DOCK2: variants seen among roughly 807,000 people sequenced by gnomAD.
DOCK2 encodes the protein dedicator of cytokinesis 2.
DOCK2 carries 87 observed loss-of-function variants against 248.9 expected under a neutral mutation model. The observed-to-expected ratio is 0.35, with a 90% CI of 0.29 to 0.42. The LOEUF is 0.42. Among genes scored for constraint, DOCK2 ranks in the 10% least tolerant of loss-of-function variants. The pLI is 1.00. For synonymous variants in DOCK2, 805 were observed against 821.6 expected (o/e 0.98, Z 0.35); for missense variants, 1,747 against 2,300.2 (o/e 0.76, Z 4.92).
chr5:169,727,774 T>C (rs1209182214), intron 22 of DOCK2, among the ~76,000 whole-genome samples: 2 of 152,234 alleles, frequency 1.3e-5, no homozygotes, highest in African/African-American at 2.4e-5. Flanking sequence ...AGTTTTGTGC[T>C]TAAAATGAAA....
At chr5:169,715,793 C>T (rs1372756569) in intron 19 of DOCK2, among the ~76,000 whole-genome samples, 1 of 151,944 alleles carries the variant, frequency 6.6e-6, no homozygotes, top group African/African-American at 2.4e-5. Flanking sequence ...AGCCAGTAGT[C>T]CCCCGGGGTA....
intron 27 of DOCK2, among the ~76,000 whole-genome samples, chr5:169,943,366 G>A (rs1405086469): frequency 6.6e-6 from 1 of 152,130 alleles, no homozygotes; most frequent in Non-Finnish European, 1.5e-5. Context: ...GCAATACTTA[G>A]GTCCTGGACC....
At chr5:169,718,439 A>G (rs972358106) in intron 21 of DOCK2, among the ~76,000 whole-genome samples, 3 of 151,898 alleles carry the variant, frequency 2.0e-5, no homozygotes, top group African/African-American at 7.3e-5. Flanking sequence ...TTTCCTCCCT[A>G]TCTTTTTCTT....
At chr5:169,985,556 A>G (rs1426660606) in intron 28 of DOCK2, among the ~76,000 whole-genome samples, 1 of 152,208 alleles carries the variant, frequency 6.6e-6, no homozygotes, top group Non-Finnish European at 1.5e-5. Flanking sequence ...TGCCACATCA[A>G]TGAGTACATT....
chr5:169,703,038 A>G (rs148960049), intron 14 of DOCK2, among the ~76,000 whole-genome samples: 21 of 152,278 alleles, frequency 1.4e-4, no homozygotes, highest in Non-Finnish European at 7.4e-5. Flanking sequence ...ATGTGTGTTT[A>G]TATTTATTTG....
intron 29 of DOCK2, among the ~76,000 whole-genome samples, chr5:169,987,794 A>G (rs899466374): frequency 6.6e-6 from 1 of 152,244 alleles, no homozygotes; most frequent in Non-Finnish European, 1.5e-5. Flanking sequence ...ATAGATTTGT[A>G]TCTCTTAAGG....
chr5:169,866,790 C>G (rs1288975638), intron 27 of DOCK2, among the ~76,000 whole-genome samples: 1 of 152,216 alleles, frequency 6.6e-6, no homozygotes, highest in Non-Finnish European at 1.5e-5. Flanking sequence ...TGTTTTTCCT[C>G]TGCTCTCACA....
rs1768737228 is a variant in DOCK2, at chr5:169,824,855, A to T, written c.2704-15902A>T. Among the ~76,000 whole-genome samples the T allele has an allele frequency of 4.6e-5, 7 of 152,218 alleles. No homozygotes were observed. The South Asian group carries it at 1.4e-3, about 31-fold the overall frequency. ...ACAGGCAACCTACAGAATGGGAGAAAATTTTTGCAATCTACTCATCTGACA... is the reference window on the plus strand; with the variant it reads ...ACAGGCAACCTACAGAATGGGAGAATATTTTTGCAATCTACTCATCTGACA... On this transcript the variant is annotated intron_variant, in intron 26 of 51. Transcript: ENST00000520908.
chr5:169,690,477 A>G (rs1760232124), intron 9 of DOCK2, among the ~76,000 whole-genome samples: 1 of 152,174 alleles, frequency 6.6e-6, no homozygotes, highest in South Asian at 2.1e-4. Flanking sequence ...TACATTGAGG[A>G]ATAGCTGATT....
intron 27 of DOCK2, among the ~76,000 whole-genome samples, chr5:169,933,324 A>T (rs1775843362): frequency 6.6e-6 from 1 of 152,224 alleles, no homozygotes. Context: ...GGGGCTAATC[A>T]AATACAGATA....
At chr5:169,867,616 A>C (rs1168164883) in intron 27 of DOCK2, among the ~76,000 whole-genome samples, 1 of 107,862 alleles carries the variant, frequency 9.3e-6, no homozygotes, top group Non-Finnish European at 1.9e-5. Flanking sequence ...ATCATGTATC[A>C]TTATCTATCA....
intron 27 of DOCK2, among the ~76,000 whole-genome samples, chr5:169,852,467 G>T (rs1196248196): frequency 6.6e-6 from 1 of 152,178 alleles, no homozygotes; most frequent in African/African-American, 2.4e-5. Context: ...GAGTTGACAG[G>T]CTGGGAGCCA....
At chr5:169,745,864 C>T (rs890539887) in intron 22 of DOCK2, among the ~76,000 whole-genome samples, 9 of 151,996 alleles carry the variant, frequency 5.9e-5, no homozygotes, top group Admixed American at 4.6e-4. Context: ...GGTGGCAGAA[C>T]AAGAAGGCTC....
chr5:169,767,330 C>A (rs1278445021), intron 25 of DOCK2, among the ~76,000 whole-genome samples: 1 of 152,176 alleles, frequency 6.6e-6, no homozygotes, highest in Non-Finnish European at 1.5e-5. Flanking sequence ...TTCCCCTATT[C>A]TGTAGGTCGT....
intron 27 of DOCK2, among the ~76,000 whole-genome samples, chr5:169,900,971 G>A (rs1162659500): frequency 6.6e-6 from 1 of 152,080 alleles, no homozygotes; most frequent in Non-Finnish European, 1.5e-5. Flanking sequence ...TGTCTATTTT[G>A]GAACTTAGTT....
rs1457387084 is a variant in DOCK2 at position 169,927,196 on chromosome 5, G to A, written c.2800-55872G>A. Among the ~76,000 whole-genome samples the A allele has an allele frequency of 2.6e-5, 4 of 152,102 alleles. No individual in the cohort carries two copies. In the East Asian group the frequency reaches 7.7e-4, roughly 29 times the overall value. On this transcript the variant is annotated intron_variant, in intron 27 of 51. Transcript: ENST00000520908. ...GGCCCTTTCCAGGACTTGAAAAAAG[G>A]CCCCTGGCTGGAGAGTCATGAGAGA...
intron 27 of DOCK2, among the ~76,000 whole-genome samples, chr5:169,855,155 T>C (rs557909085): frequency 6.6e-6 from 1 of 152,366 alleles, no homozygotes; most frequent in Non-Finnish European, 1.5e-5. Context: ...AATCATAAAC[T>C]ACCTTGTGGT....
intron 2 of DOCK2, among the ~76,000 whole-genome samples, chr5:169,667,440 TA>T (rs2113267289): frequency 6.6e-6 from 1 of 152,322 alleles, no homozygotes; most frequent in South Asian, 2.1e-4. Context: ...CTCTGAGGAT[TA>T]AATGAGAGAA....
At position 170,050,258 on chromosome 5, in the gene DOCK2, C is replaced by T; in HGVS notation, c.4074C>T (p.Asn1358=). 6.2e-7 allele frequency: 1 copy of T among 1,613,916 alleles called. No individual in the cohort carries two copies. Among genetic ancestry groups the T allele is most frequent in the East Asian group, 2.2e-5 (1 of 44,886 alleles). ...YGQGFPSFLR[N]KVFIYRGKEY... is the part of the protein sequence containing the mutation. The stretch of plus-strand genomic sequence containing the variant: ...TAATGAGCATCCTTTCTCTGCAGAA[C>T]AAAGTGTTCATCTACCGCGGGAAGG... Residue 1358 remains asparagine, a splice_region_variant and synonymous_variant, in exon 41 of 52, where the codon AAC becomes AAT. Coordinates refer to ENST00000520908, the MANE Select transcript of DOCK2 (RefSeq NM_004946.3).
Sources: gnomAD v4.1 joint callset for allele counts (sites outside exome capture counted in the v4.1 genomes callset) on GRCh38, gnomAD v4.1.1 for gene constraint, MANE v1.5 for transcripts, NCBI Gene and HGNC (gene_info 2026-07-23, HGNC 2026-07-21) for gene names.